Variants in APP observed in about 807,000 individuals in gnomAD.
The protein encoded by APP is amyloid-beta precursor protein.
Under a neutral mutation model 101.4 loss-of-function variants are expected in APP, and 31 were observed. The observed-to-expected ratio is 0.31, with a 90% CI of 0.23 to 0.41. APP has a LOEUF of 0.41. Ranked by LOEUF, APP falls within the 10% of genes least tolerant of loss-of-function variation. APP has a pLI of 1.00. For synonymous variants in APP, 366 were observed against 364.4 expected (o/e 1.00, Z -0.05); for missense variants, 839 against 1,003.7 (o/e 0.84, Z 2.22).
intron 3 of APP, 125 bp from the exon 4 acceptor site, chr21:26,053,473 A>C (rs972401081): frequency 2.2e-5 from 16 of 719,950 alleles, no homozygotes; most frequent in Non-Finnish European, 4.1e-5. Flanking sequence ...AAGCAACCCA[A>C]TCAAGACCCT....
chr21:25,946,087 A>T (rs1447156040), intron 13 of APP: 2 of 310,410 alleles, frequency 6.4e-6, no homozygotes, highest in Non-Finnish European at 1.3e-5. Flanking sequence ...AAAATGAATC[A>T]AAGATTTAAC....
intron 2 of APP, among the ~76,000 whole-genome samples, chr21:26,106,285 T>C (rs2062181293): frequency 2.0e-5 from 3 of 152,174 alleles, no homozygotes; most frequent in South Asian, 4.1e-4. Context: ...AGGGATCTCA[T>C]TTCTGTGTAC....
chr21:25,935,568 G>A (rs1043217396), intron 13 of APP, among the ~76,000 whole-genome samples: 2 of 152,104 alleles, frequency 1.3e-5, no homozygotes, highest in African/African-American at 2.4e-5. Flanking sequence ...TGGGCTGGGC[G>A]CGGTGGCTCA....
intron 1 of APP, among the ~76,000 whole-genome samples, chr21:26,164,669 C>A (rs1393482969): frequency 6.6e-6 from 1 of 152,086 alleles, no homozygotes; most frequent in Non-Finnish European, 1.5e-5. Context: ...GCCTGGCCAA[C>A]ATGGTGAAAC....
chr21:26,056,746 G>C (rs2046058186), intron 3 of APP, among the ~76,000 whole-genome samples: 2 of 152,090 alleles, frequency 1.3e-5, no homozygotes, highest in South Asian at 4.1e-4. Context: ...TTTTTTAAAG[G>C]ATTAAAACTG....
At chr21:26,126,620 G>A (rs1378216489) in intron 1 of APP, among the ~76,000 whole-genome samples, 1 of 152,022 alleles carries the variant, frequency 6.6e-6, no homozygotes, top group African/African-American at 2.4e-5. Context: ...CACGACTTGG[G>A]TGGTGCTACT....
chr21:25,914,299 C>T (rs1042638187), intron 13 of APP, among the ~76,000 whole-genome samples: 7 of 151,924 alleles, frequency 4.6e-5, no homozygotes, highest in Non-Finnish European at 8.8e-5. Flanking sequence ...TGGATAATTA[C>T]GATAGTCTCC....
intron 1 of APP, among the ~76,000 whole-genome samples, chr21:26,165,367 C>T (rs2063584808): frequency 6.6e-6 from 1 of 152,176 alleles, no homozygotes; most frequent in Non-Finnish European, 1.5e-5. Flanking sequence ...TAATTCGATC[C>T]TCAATAACTA....
intron 1 of APP, among the ~76,000 whole-genome samples, chr21:26,132,685 G>T (rs774130517): frequency 1.1e-4 from 17 of 152,106 alleles, no homozygotes; most frequent in Non-Finnish European, 2.5e-4. Flanking sequence ...CTCACCCAAA[G>T]AACTCATAAA....
chr21:26,048,328 A>C lies in APP; in HGVS notation c.662+2672T>G, dbSNP rs535356486. Among the ~76,000 whole-genome samples, 13 of 152,308 alleles carry C rather than the reference A, an allele frequency of 8.5e-5. No homozygotes were observed. The South Asian group carries it at 2.5e-3, about 29-fold the overall frequency. ...ACAGAGCGAGACTCCATCTTAAAAA[A>C]AGAAAACGAAAAAGTATGTGGCTCA... is the stretch of plus-strand genomic sequence containing the variant. On this transcript the variant is annotated intron_variant, in intron 5 of 17. Transcript: ENST00000346798.
intron 5 of APP, among the ~76,000 whole-genome samples, chr21:26,045,059 C>CA (rs2045547995): frequency 6.6e-6 from 1 of 151,842 alleles, no homozygotes; most frequent in African/African-American, 2.4e-5. Context: ...GACAAATGCC[C>CA]AAGGCAGGAA....
At chr21:25,915,379 G>A (rs117094010) in intron 13 of APP, among the ~76,000 whole-genome samples, 2 of 152,314 alleles carry the variant, frequency 1.3e-5, no homozygotes, top group Non-Finnish European at 1.5e-5. Context: ...GGAGACTGAG[G>A]CTGGGAGAAA....
intron 3 of APP, among the ~76,000 whole-genome samples, chr21:26,080,088 C>T (rs1199942678): frequency 6.6e-6 from 1 of 152,200 alleles, no homozygotes; most frequent in Non-Finnish European, 1.5e-5. Context: ...CTCACCATTG[C>T]ACTTCAGCCT....
chr21:26,029,043 G>A (rs995179343), intron 5 of APP, among the ~76,000 whole-genome samples: 3 of 152,216 alleles, frequency 2.0e-5, no homozygotes, highest in Admixed American at 6.5e-5. Context: ...AGGGGTAAGA[G>A]CAAGTGCAAA....
At chr21:25,930,427 A>G (rs1276314242) in intron 13 of APP, among the ~76,000 whole-genome samples, 1 of 152,220 alleles carries the variant, frequency 6.6e-6, no homozygotes, top group Non-Finnish European at 1.5e-5. Context: ...ATGGAATTTT[A>G]TACTTCAAAG....
intron 8 of APP, among the ~76,000 whole-genome samples, chr21:25,988,794 C>T (rs1601127359): frequency 6.6e-6 from 1 of 151,558 alleles, no homozygotes; most frequent in South Asian, 2.1e-4. Context: ...GCCCCCTTCC[C>T]ACACGAGAAG....
chr21:26,014,205 G>C (rs971001959), intron 6 of APP, among the ~76,000 whole-genome samples: 1 of 152,076 alleles, frequency 6.6e-6, no homozygotes, highest in Admixed American at 6.6e-5. Flanking sequence ...GTTCATGTTC[G>C]GGTTCACAGC....
At position 25,975,051 on chromosome 21, in the gene APP, C is replaced by CG. The variant is rs1379665916; in HGVS notation, c.1458+18dup. On this transcript the variant is annotated intron_variant, in intron 11 of 17. Transcript: ENST00000346798. The stretch of plus-strand genomic sequence containing the variant: ...TGTGCTGTGACCTGAAGTGTGAACT[C>CG]GGCTGCAGCGAGACCTACCCGAGGA... 1 of 1,613,590 alleles carries CG rather than the reference C, an allele frequency of 6.2e-7. No individual in the cohort carries two copies. Among genetic ancestry groups the CG allele is most frequent in the Non-Finnish European group, 8.5e-7 (1 of 1,179,906 alleles).
chr21:25,999,168 T>C (rs2043172849), intron 7 of APP, among the ~76,000 whole-genome samples: 1 of 152,132 alleles, frequency 6.6e-6, no homozygotes, highest in Non-Finnish European at 1.5e-5. Context: ...GGCATGTGCC[T>C]GTGATCCTAG....
Sources: allele counts gnomAD v4.1 joint callset (sites outside exome capture counted in the v4.1 genomes callset), GRCh38; gene constraint gnomAD v4.1.1; transcripts MANE v1.5; gene names NCBI Gene and HGNC (gene_info 2026-07-23, HGNC 2026-07-21).